The following FAM53B variants were observed in gnomAD, a reference collection of about 807,000 sequenced individuals.
The protein encoded by FAM53B is protein FAM53B.
Under a neutral mutation model 32.7 loss-of-function variants are expected in FAM53B, and 12 were observed. The observed-to-expected ratio is 0.37, with a 90% CI of 0.24 to 0.59. FAM53B has a LOEUF of 0.59. FAM53B is among the 20% of genes least tolerant of loss of function. The pLI is 0.72. For synonymous variants in FAM53B, 234 were observed against 228.7 expected (o/e 1.02, Z -0.21); for missense variants, 477 against 577.7 (o/e 0.83, Z 1.79).
chr10:124,702,039 C>A (rs944219330), intron 2 of FAM53B, among the ~76,000 whole-genome samples: 1 of 152,190 alleles, frequency 6.6e-6, no homozygotes, highest in Non-Finnish European at 1.5e-5. Flanking sequence ...CCACATGACA[C>A]CCAGGGTTGC....
chr10:124,652,804 C>G (rs547107227), intron 4 of FAM53B, among the ~76,000 whole-genome samples: 2 of 152,112 alleles, frequency 1.3e-5, no homozygotes, highest in African/African-American at 2.4e-5. Context: ...AGGGAACGGC[C>G]GAGCAAACCA....
chr10:124,647,589 G>A (rs2362515), intron 4 of FAM53B, among the ~76,000 whole-genome samples: 39,134 of 152,174 alleles, frequency 0.26, 5,796 homozygotes, highest in South Asian at 0.37. Flanking sequence ...CAATGCACTC[G>A]TGTGGCAGCT....
intron 1 of FAM53B, among the ~76,000 whole-genome samples, chr10:124,721,074 T>C (rs1341758087): frequency 6.6e-6 from 1 of 152,158 alleles, no homozygotes; most frequent in Non-Finnish European, 1.5e-5. Flanking sequence ...TGGTGGTGCA[T>C]GCCTGTGGAC....
At chr10:124,691,972 C>A (rs996276950) in intron 3 of FAM53B, among the ~76,000 whole-genome samples, 1 of 152,252 alleles carries the variant, frequency 6.6e-6, no homozygotes. Flanking sequence ...GGCCGCACCA[C>A]GGAGCTGCCA....
At chr10:124,737,286 A>G (rs1251094225) in intron 1 of FAM53B, among the ~76,000 whole-genome samples, 1 of 152,132 alleles carries the variant, frequency 6.6e-6, no homozygotes, top group Admixed American at 6.5e-5. Context: ...CACCACCACC[A>G]CAACACAGCC....
intron 1 of FAM53B, among the ~76,000 whole-genome samples, chr10:124,725,942 G>A (rs1460847325): frequency 4.6e-5 from 7 of 152,132 alleles, no homozygotes; most frequent in African/African-American, 9.7e-5. Context: ...TTGCTGGGGG[G>A]AACACTGGGG....
rs923284737 is a variant in FAM53B, at chr10:124,620,901, C to T, written c.*2341G>A. 8 of 152,238 alleles carry T rather than the reference C, an allele frequency of 5.3e-5. No individual in the cohort carries two copies. Among genetic ancestry groups the T allele is most frequent in the African/African-American group, 1.4e-4 (6 of 41,442 alleles). 9.4% of individuals were successfully genotyped at this position (152,238 alleles called of 1,614,324 possible). On this transcript the variant is annotated 3_prime_UTR_variant, in exon 5 of 5. Coordinates refer to ENST00000337318, the MANE Select transcript of FAM53B (RefSeq NM_014661.4). ...TCTCCCTAAGCGCCCTGGGGCTGGG[C>T]TTGCTGGTCGATGGGACCAGCTTGC...
At chr10:124,642,351 C>A (rs1949481750) in intron 4 of FAM53B, among the ~76,000 whole-genome samples, 1 of 152,236 alleles carries the variant, frequency 6.6e-6, no homozygotes, top group African/African-American at 2.4e-5. Flanking sequence ...CTCACTCTCA[C>A]ACCAACGCCT....
At chr10:124,698,986 C>T (rs576890985) in intron 2 of FAM53B, among the ~76,000 whole-genome samples, 1 of 152,334 alleles carries the variant, frequency 6.6e-6, no homozygotes, top group South Asian at 2.1e-4. Context: ...AGGCCAGTCA[C>T]TACCATCTCA....
chr10:124,640,183 C>T (rs1207837301), intron 4 of FAM53B, among the ~76,000 whole-genome samples: 4 of 152,250 alleles, frequency 2.6e-5, no homozygotes, highest in South Asian at 2.1e-4. Context: ...GGAGCCCTGA[C>T]GGCTGCACCT....
intron 4 of FAM53B, among the ~76,000 whole-genome samples, chr10:124,672,781 T>G (rs1737256347): frequency 2.6e-5 from 4 of 152,124 alleles, no homozygotes; most frequent in Admixed American, 2.6e-4. Context: ...GCCTCCCCAG[T>G]GGCAAGGAGC....
chr10:124,726,792 G>C (rs1312534484), intron 1 of FAM53B, among the ~76,000 whole-genome samples: 2 of 152,148 alleles, frequency 1.3e-5, no homozygotes, highest in African/African-American at 2.4e-5. Flanking sequence ...TTACCATCTG[G>C]CAAATCTTTG....
intron 4 of FAM53B, among the ~76,000 whole-genome samples, chr10:124,633,496 G>C (rs926648711): frequency 2.6e-5 from 4 of 152,156 alleles, no homozygotes; most frequent in Non-Finnish European, 5.9e-5. Context: ...ACTCTGTAAA[G>C]AACAGTGGGG....
intron 2 of FAM53B, among the ~76,000 whole-genome samples, chr10:124,702,232 C>T (rs944187270): frequency 5.9e-5 from 9 of 152,234 alleles, no homozygotes; most frequent in African/African-American, 2.2e-4. Flanking sequence ...CTTAAACCTC[C>T]ACTTGTTATC....
Position 124,676,444 on chromosome 10 carries a change from C to T in FAM53B, c.906+5163G>A, listed in dbSNP as rs527497404. 2.6e-5 allele frequency among the ~76,000 whole-genome samples: 4 copies of T among 152,284 alleles called. No homozygotes were observed. In the East Asian group the frequency reaches 5.8e-4, roughly 22 times the overall value. ...ATGGACAGGAAAAGTCACAAAGGTG[C>T]AGGCAAGCTGGGCCTGCCGCACAGG... On this transcript the variant is annotated intron_variant, in intron 4 of 4. Transcript: ENST00000337318.
At chr10:124,711,361 G>C (rs11245339) in intron 1 of FAM53B, among the ~76,000 whole-genome samples, 1 of 151,956 alleles carries the variant, frequency 6.6e-6, no homozygotes, top group East Asian at 1.9e-4. Flanking sequence ...AAAAGACAGC[G>C]GGAGGGATCC....
chr10:124,651,520 G>A lies in FAM53B; in HGVS notation c.907-27916C>T, dbSNP rs897889855. Among the ~76,000 whole-genome samples, 1 of 152,178 alleles carries A rather than the reference G, an allele frequency of 6.6e-6. No homozygotes were observed. The highest frequency in any genetic ancestry group is 2.4e-5 in the African/African-American group (1 of 41,438). On this transcript the variant is annotated intron_variant, in intron 4 of 4. Coordinates refer to ENST00000337318, the MANE Select transcript of FAM53B (RefSeq NM_014661.4). This position sits in a 1 kb window ranked among gnomAD's most constrained non-coding sequence, Gnocchi z 5.2. ...AGGCACTGTAGCAGGGAGCCCAGCC[G>A]CTGGACGGAATCACAATCCCACACA...
Position 124,681,954 on chromosome 10 carries a change from G to A in FAM53B, c.559C>T (p.His187Tyr), listed in dbSNP as rs889473814. ...CAGGGCTGCCCTCCAAATCGGTGGTGGAGTCCTGCCTGGTCGCAGGGTGAG... is the reference window on the plus strand; with the variant it reads ...CAGGGCTGCCCTCCAAATCGGTGGTAGAGTCCTGCCTGGTCGCAGGGTGAG... ...LSSPCDQAGLHHRFGGQPCQG... is the reference protein window; with the variant it reads ...LSSPCDQAGLYHRFGGQPCQG... Residue 187 changes from histidine (H) to tyrosine (Y), a missense_variant, in exon 4 of 5, where the codon CAC (histidine) becomes TAC (tyrosine). Physicochemically the swap from His to Tyr is moderately conservative, Grantham distance 83. Transcript: ENST00000337318. 1.2e-6 allele frequency: 2 copies of A among 1,613,938 alleles called. No individual in the cohort carries two copies. Among genetic ancestry groups the A allele is most frequent in the African/African-American group, 1.3e-5 (1 of 74,956 alleles).
At chr10:124,703,038 A>G (rs904780499) in intron 2 of FAM53B, among the ~76,000 whole-genome samples, 5 of 151,682 alleles carry the variant, frequency 3.3e-5, no homozygotes, top group African/African-American at 1.2e-4. Context: ...AAACAGATGC[A>G]GGTGCCATAC....
Sources: allele counts gnomAD v4.1 joint callset (sites outside exome capture counted in the v4.1 genomes callset), GRCh38; gene constraint gnomAD v4.1.1; non-coding constraint Gnocchi (gnomAD v3.1); transcripts MANE v1.5; gene names NCBI Gene and HGNC (gene_info 2026-07-23, HGNC 2026-07-21).